Variants in GALNT13 observed in about 807,000 individuals in gnomAD.
GALNT13 encodes UDP-GalNAc:polypeptide N-acetylgalactosaminyltransferase 13.
Under a neutral mutation model 64.2 loss-of-function variants are expected in GALNT13, and 28 were observed. The ratio of observed to expected loss-of-function variants is 0.44; its 90% CI spans 0.32 to 0.60. GALNT13 has a LOEUF of 0.60. GALNT13 is among the 20% of genes least tolerant of loss of function. GALNT13 has a pLI of 0.05. For missense variants in GALNT13, 577 were observed against 669.8 expected (o/e 0.86, Z 1.53); for synonymous variants, 214 against 224.6 (o/e 0.95, Z 0.42).
intron 4 of GALNT13, among the ~76,000 whole-genome samples, chr2:154,155,569 A>G (rs1684364660): frequency 6.6e-6 from 1 of 152,046 alleles, no homozygotes; most frequent in Admixed American, 6.6e-5. Flanking sequence ...TTGCTGAGGG[A>G]AAATGTGATT....
intron 2 of GALNT13, among the ~76,000 whole-genome samples, chr2:153,907,320 T>C (rs915776301): frequency 4.6e-5 from 7 of 151,652 alleles, no homozygotes; most frequent in African/African-American, 9.7e-5. Flanking sequence ...ATTATATATA[T>C]ACACACACAC....
the GALNT13 span, among the ~76,000 whole-genome samples, chr2:153,408,549 G>C: frequency 2.0e-5 from 3 of 152,140 alleles, no homozygotes; most frequent in East Asian, 5.8e-4. Context: ...TGGCTCACTG[G>C]CTTGCTCCCA....
chr2:153,677,313 AC>A, the GALNT13 span, among the ~76,000 whole-genome samples: 12 of 151,036 alleles, frequency 7.9e-5, 1 homozygote, highest in East Asian at 1.9e-3. Context: ...ACACACACAC[AC>A]ACACACACAC....
intron 11 of GALNT13, among the ~76,000 whole-genome samples, chr2:154,425,509 T>C (rs1226396340): frequency 1.3e-5 from 2 of 152,192 alleles, no homozygotes; most frequent in Non-Finnish European, 2.9e-5. Flanking sequence ...TGTTGCCCAT[T>C]GCTAAAGAAG....
intron 4 of GALNT13, among the ~76,000 whole-genome samples, chr2:154,148,128 A>C (rs1465117946): frequency 3.3e-5 from 5 of 150,572 alleles, no homozygotes; most frequent in Admixed American, 6.6e-5. Flanking sequence ...TTCTGTGTCC[A>C]TGTGTTCTCA....
At chr2:153,779,122 T>G in the GALNT13 span, among the ~76,000 whole-genome samples, 2 of 152,188 alleles carry the variant, frequency 1.3e-5, no homozygotes, top group African/African-American at 4.8e-5. Context: ...TAATAAGTAC[T>G]GAATAAATGA....
the GALNT13 span, among the ~76,000 whole-genome samples, chr2:153,344,570 C>T: frequency 6.6e-6 from 1 of 151,924 alleles, no homozygotes; most frequent in Non-Finnish European, 1.5e-5. Context: ...ATAAGCATTC[C>T]CCAGCTTTTT....
the GALNT13 span, among the ~76,000 whole-genome samples, chr2:153,531,372 C>T: frequency 5.0e-3 from 765 of 152,220 alleles, 10 homozygotes; most frequent in African/African-American, 0.018. Context: ...ATGCCACACA[C>T]TTTTAAACAA....
chr2:154,300,823 T>TA (rs1259347589), intron 8 of GALNT13, among the ~76,000 whole-genome samples: 3 of 152,056 alleles, frequency 2.0e-5, no homozygotes, highest in Admixed American at 6.6e-5. Flanking sequence ...ATGCTTAAAA[T>TA]AAAAAAGGTA....
At chr2:153,695,850 T>C in the GALNT13 span, among the ~76,000 whole-genome samples, 1 of 152,154 alleles carries the variant, frequency 6.6e-6, no homozygotes, top group Admixed American at 6.5e-5. Context: ...CACATTGCTC[T>C]AGATAATTTT....
chr2:153,093,838 T>C, the GALNT13 span, among the ~76,000 whole-genome samples: 50,865 of 151,954 alleles, frequency 0.33, 9,423 homozygotes, highest in Non-Finnish European at 0.44. Context: ...CTTTTTATTA[T>C]AACTTCAATT....
chr2:154,028,500 C>A (rs747560871), intron 3 of GALNT13, among the ~76,000 whole-genome samples: 1 of 151,964 alleles, frequency 6.6e-6, no homozygotes, highest in Non-Finnish European at 1.5e-5. Flanking sequence ...CTTTTTAAAA[C>A]GGCAATGTAT....
the GALNT13 span, among the ~76,000 whole-genome samples, chr2:153,550,312 G>A: frequency 6.6e-6 from 1 of 150,858 alleles, no homozygotes; most frequent in Non-Finnish European, 1.5e-5. Context: ...TCGGCTCACT[G>A]CAACCTCTGC....
At chr2:153,896,117 C>T (rs1687878683) in intron 1 of GALNT13, among the ~76,000 whole-genome samples, 1 of 67,334 alleles carries the variant, frequency 1.5e-5, no homozygotes, top group Non-Finnish European at 3.6e-5. Flanking sequence ...AAAAACTTGC[C>T]ACTTTCGATT....
chr2:153,369,354 C>T, the GALNT13 span, among the ~76,000 whole-genome samples: 9 of 151,752 alleles, frequency 5.9e-5, no homozygotes, highest in African/African-American at 1.7e-4. Context: ...GGAAAAAAAT[C>T]GATGAAACCA....
chr2:154,092,418 G>A (rs988651433), intron 3 of GALNT13, among the ~76,000 whole-genome samples: 3 of 151,992 alleles, frequency 2.0e-5, no homozygotes, highest in Non-Finnish European at 2.9e-5. Flanking sequence ...TAAATGAGAT[G>A]TGCAAAATGC....
At chr2:153,862,893 CTTTAT>C in the GALNT13 span, among the ~76,000 whole-genome samples, 1 of 151,996 alleles carries the variant, frequency 6.6e-6, no homozygotes. Context: ...AAGAATATCC[CTTTAT>C]TTAGTTAGCT....
chr2:153,820,611 A>C, the GALNT13 span, among the ~76,000 whole-genome samples: 1 of 152,208 alleles, frequency 6.6e-6, no homozygotes, highest in African/African-American at 2.4e-5. Context: ...TATTCCGCCA[A>C]AGTAAGCTTC....
chr2:153,093,032 C>T, the GALNT13 span, among the ~76,000 whole-genome samples: 30 of 145,750 alleles, frequency 2.1e-4, no homozygotes, highest in African/African-American at 7.2e-4. Flanking sequence ...CTTCTATCCT[C>T]AGTTTTTGAG....
Sources: allele counts gnomAD v4.1 joint callset (sites outside exome capture counted in the v4.1 genomes callset), GRCh38; gene constraint gnomAD v4.1.1; transcripts MANE v1.5; gene names NCBI Gene and HGNC (gene_info 2026-07-23, HGNC 2026-07-21).